The following DTX3L variants were observed in gnomAD, a reference collection of about 807,000 sequenced individuals.
The protein encoded by DTX3L is E3 ubiquitin-protein ligase DTX3L.
Under a neutral mutation model 60.9 loss-of-function variants are expected in DTX3L, and 34 were observed. The ratio of observed to expected loss-of-function variants is 0.56; its 90% CI spans 0.42 to 0.74. DTX3L has a LOEUF of 0.74. DTX3L is among the 30% of genes least tolerant of loss of function. DTX3L has a pLI of 0.00. For missense variants in DTX3L, 810 were observed against 874.0 expected, an observed-to-expected ratio of 0.93 and a Z score of 0.92; for synonymous variants, 290 against 316.6, an observed-to-expected ratio of 0.92 and a Z score of 0.89.
At chr3:122,571,086 T>G (rs2080642377) in intron 4 of DTX3L, among the ~76,000 whole-genome samples, 1 of 152,042 alleles carries the variant, frequency 6.6e-6, no homozygotes, top group Admixed American at 6.6e-5. Flanking sequence ...CTAGAAAAAG[T>G]CTAAGTTGTG....
intron 1 of DTX3L, 116 bp downstream of exon 1, chr3:122,564,729 G>GCGGTGGCGGA: frequency 7.7e-7 from 1 of 1,295,968 alleles, no homozygotes; most frequent in Non-Finnish European, 1.0e-6. Flanking sequence ...ATGTCACTGT[G>GCGGTGGCGGA]CGGTGGCGGA....
chr3:122,569,898 T>C lies in DTX3L; in HGVS notation c.1809T>C (p.Tyr603=). The part of the protein sequence containing the change: ...KPICPTCQTS[Y]GIQKGNQPEG... The stretch of plus-strand genomic sequence containing the variant: ...TCTGTCCCACATGCCAGACTTCCTA[T>C]GGTATTCAGAAAGGAAATCAGCCAG... The change falls in exon 3 of 5, where the codon TAT becomes TAC. Residue 603 remains tyrosine, a synonymous_variant. Coordinates refer to ENST00000296161, the MANE Select transcript of DTX3L (RefSeq NM_138287.3). The C allele has an allele frequency of 1.2e-6, 2 of 1,614,176 alleles. No homozygotes were observed. Among genetic ancestry groups the C allele is most frequent in the Non-Finnish European group, 1.7e-6 (2 of 1,180,016 alleles).
chr3:122,566,124 G>A, intron 2 of DTX3L, 54 bp downstream of exon 2: 1 of 1,508,138 alleles, frequency 6.6e-7, no homozygotes, highest in Non-Finnish European at 9.2e-7. Context: ...CCAGTCACCA[G>A]CCTCATGTAT....
Position 122,569,962 on chromosome 3 carries a change from C to T in DTX3L, c.1873C>T (p.Pro625Ser), listed in dbSNP as rs145773907. 4 of 1,614,074 alleles carry T rather than the reference C, an allele frequency of 2.5e-6. No individual in the cohort carries two copies. Among genetic ancestry groups the T allele is most frequent in the Non-Finnish European group, 3.4e-6 (4 of 1,179,992 alleles). ...TTTCACTGTTTCAAGAGACTCACTTCCAGGTTATGAGTCCTTTGGCACCAT... is the reference window on the plus strand; with the variant it reads ...TTTCACTGTTTCAAGAGACTCACTTTCAGGTTATGAGTCCTTTGGCACCAT... Reference protein sequence around the residue: ...MVFTVSRDSLPGYESFGTIVI... With the variant: ...MVFTVSRDSLSGYESFGTIVI... Residue 625 changes from proline to serine, a missense_variant, in exon 3 of 5, where the codon CCA (proline) becomes TCA (serine). Coordinates refer to ENST00000296161, the MANE Select transcript of DTX3L (RefSeq NM_138287.3).
chr3:122,569,689 G>T lies in DTX3L; in HGVS notation c.1600G>T (p.Asp534Tyr). 6.2e-7 allele frequency: 1 copy of T among 1,614,182 alleles called. No homozygotes were observed. The highest frequency in any genetic ancestry group is 8.5e-7 in the Non-Finnish European group (1 of 1,180,034). ...AACACCGATGGACATTGATAGCGATGATTCCAAAGCAGCTTCTCCGCCACT... is the reference window on the plus strand; with the variant it reads ...AACACCGATGGACATTGATAGCGATTATTCCAAAGCAGCTTCTCCGCCACT... ...HETPMDIDSD[D>Y]SKAASPPLKG... Residue 534 changes from aspartate to tyrosine, a missense_variant, in exon 3 of 5, where the codon GAT becomes TAT. Physicochemically the swap from Asp to Tyr is radical, Grantham distance 160 (BLOSUM62 -3). Transcript: ENST00000296161.
intron 4 of DTX3L, 57 bp downstream of exon 4, chr3:122,570,729 C>G: frequency 6.4e-7 from 1 of 1,571,824 alleles, no homozygotes; most frequent in East Asian, 2.2e-5. Context: ...TTATGAAATA[C>G]GGCAATTTCT....
intron 1 of DTX3L, among the ~76,000 whole-genome samples, chr3:122,564,930 G>A (rs2080534008): frequency 6.6e-6 from 1 of 152,142 alleles, no homozygotes; most frequent in Admixed American, 6.5e-5. Context: ...TGCTGTCCTT[G>A]TCATTCAGGG....
At chr3:122,565,126 T>A (rs2080541768) in intron 1 of DTX3L, among the ~76,000 whole-genome samples, 1 of 152,204 alleles carries the variant, frequency 6.6e-6, no homozygotes, top group African/African-American at 2.4e-5. Flanking sequence ...TGCCTTTTTT[T>A]ATGAATGCCA....
intron 1 of DTX3L, among the ~76,000 whole-genome samples, chr3:122,565,463 G>A (rs1322885642): frequency 3.5e-5 from 5 of 143,256 alleles, no homozygotes; most frequent in Non-Finnish European, 7.5e-5. Context: ...GCAGTGAGAC[G>A]AGGTCCTACC....
At chr3:122,570,967 A>G (rs2080641331) in intron 4 of DTX3L, among the ~76,000 whole-genome samples, 1 of 152,204 alleles carries the variant, frequency 6.6e-6, no homozygotes, top group Non-Finnish European at 1.5e-5. Flanking sequence ...GTCTATCTGA[A>G]GGCTAGATGC....
chr3:122,568,974 TA>T lies in DTX3L; in HGVS notation c.886del (p.Ser296ValfsTer10). 6.2e-7 allele frequency: 1 copy of T among 1,614,154 alleles called. No homozygotes were observed. The highest frequency in any genetic ancestry group is 8.5e-7 in the Non-Finnish European group (1 of 1,180,036). ...TGGAAGCAGCTCGTGAGTCTTTTGC[TA>T]GTGAATTTCAGAAGAACACAGAACC... Reference protein sequence around the residue: ...DLEAARESFASEFQKNTEPLK... With the variant: ...DLEAARESFAXEFQKNTEPLK... On this transcript the variant is annotated frameshift_variant, in exon 3 of 5. Transcript: ENST00000296161. LOFTEE classifies it high-confidence loss of function.
intron 4 of DTX3L, among the ~76,000 whole-genome samples, 161 bp downstream of exon 4, chr3:122,570,833 C>T (rs1292976509): frequency 6.6e-6 from 1 of 151,986 alleles, no homozygotes; most frequent in Non-Finnish European, 1.5e-5. Flanking sequence ...AAGATTGGTC[C>T]CCATCAACTT....
rs745856575 is a variant in DTX3L, at chr3:122,568,592, A to G, written c.503A>G (p.His168Arg). Residue 168 changes from histidine (H) to arginine (R), a missense_variant, in exon 3 of 5, where the codon CAC (histidine) becomes CGC (arginine). His to Arg is a conservative substitution (Grantham distance 29, BLOSUM62 0). Coordinates refer to ENST00000296161, the MANE Select transcript of DTX3L (RefSeq NM_138287.3). ...LCPSIRKMEG[H>R]DGIEKVCGDF... ...CCTAGTATCAGAAAAATGGAAGGTC[A>G]CGATGGAATTGAGAAGGTGTGTGGT... 9 of 1,614,116 alleles carry G rather than the reference A, an allele frequency of 5.6e-6. No individual in the cohort carries two copies. The highest frequency in any genetic ancestry group is 6.8e-6 in the Non-Finnish European group (8 of 1,180,048).
At chr3:122,566,148 C>T (rs1010110321) in intron 2 of DTX3L, 78 bp downstream of exon 2, 3 of 1,344,858 alleles carry the variant, frequency 2.2e-6, no homozygotes, top group South Asian at 1.2e-5. Flanking sequence ...TGATCCAACA[C>T]CCATGTGCTG....
chr3:122,570,513 C>T lies in DTX3L; in HGVS notation c.1994C>T (p.Pro665Leu). Residue 665 changes from proline (P) to leucine (L), a missense_variant, in exon 4 of 5, where the codon CCT (proline) becomes CTT (leucine). Pro to Leu is a moderately conservative substitution (Grantham distance 98, BLOSUM62 -3). Coordinates refer to ENST00000296161, the MANE Select transcript of DTX3L (RefSeq NM_138287.3). ...GGAATACAGCGAACTGCATACTTGCCTGATAATAAGGAAGGAAGGAAGGTT... is the reference window on the plus strand; with the variant it reads ...GGAATACAGCGAACTGCATACTTGCTTGATAATAAGGAAGGAAGGAAGGTT... ...YPGIQRTAYL[P>L]DNKEGRKVLK... 1 of 1,614,072 alleles carries T rather than the reference C, an allele frequency of 6.2e-7. No individual in the cohort carries two copies. Among genetic ancestry groups the T allele is most frequent in the Non-Finnish European group, 8.5e-7 (1 of 1,180,002 alleles).
At chr3:122,566,254 G>A (rs2080589136) in intron 2 of DTX3L, among the ~76,000 whole-genome samples, 184 bp downstream of exon 2, 2 of 152,290 alleles carry the variant, frequency 1.3e-5, no homozygotes, top group East Asian at 3.9e-4. Flanking sequence ...TATACTGGGG[G>A]CCAGGTCATG....
At position 122,571,818 on chromosome 3, in the gene DTX3L, G is replaced by A; in HGVS notation, c.*71G>A. On this transcript the variant is annotated 3_prime_UTR_variant, in exon 5 of 5. Transcript: ENST00000296161. The stretch of plus-strand genomic sequence containing the variant: ...ATTTTAGGAGGCTGATTTAATGCCA[G>A]TCTAAATCCTTATGTAGAAAGGACT... The A allele has an allele frequency of 7.6e-7, 1 of 1,310,062 alleles. No homozygotes were observed. Among genetic ancestry groups the A allele is most frequent in the East Asian group, 2.5e-5 (1 of 40,762 alleles). The allele number at this position is 1,310,062 out of a possible 1,614,324, so 81.2% of individuals were successfully genotyped here. A position where few individuals can be genotyped will look rare whatever the true frequency, so the allele number is the denominator to read the frequency against.
chr3:122,567,625 C>T (rs1463264389), intron 2 of DTX3L, among the ~76,000 whole-genome samples: 1 of 152,108 alleles, frequency 6.6e-6, no homozygotes, highest in Non-Finnish European at 1.5e-5. Context: ...TGCATGCAGT[C>T]GAGTGTTTAG....
At position 122,569,929 on chromosome 3, in the gene DTX3L, A is replaced by G. The variant is rs763440919; in HGVS notation, c.1840A>G (p.Ser614Gly). The G allele has an allele frequency of 7.4e-6, 12 of 1,614,030 alleles. No individual in the cohort carries two copies. The highest frequency in any genetic ancestry group is 1.0e-5 in the Non-Finnish European group (12 of 1,180,014). Residue 614 changes from serine (S) to glycine (G), a missense_variant, in exon 3 of 5, where the codon AGC becomes GGC. Physicochemically the swap from Ser to Gly is moderately conservative, Grantham distance 56 (BLOSUM62 0). Transcript: ENST00000296161. ...TCAGAAAGGAAATCAGCCAGAGGGA[A>G]GCATGGTTTTCACTGTTTCAAGAGA... Reference protein sequence around the residue: ...GIQKGNQPEGSMVFTVSRDSL... With the variant: ...GIQKGNQPEGGMVFTVSRDSL...
Sources: allele counts gnomAD v4.1 joint callset (sites outside exome capture counted in the v4.1 genomes callset), GRCh38; gene constraint gnomAD v4.1.1; transcripts MANE v1.5; gene names NCBI Gene and HGNC (gene_info 2026-07-23, HGNC 2026-07-21).